CACNG4: variants seen among roughly 807,000 people sequenced by gnomAD.
The protein encoded by CACNG4 is voltage-dependent calcium channel gamma-4 subunit.
In CACNG4, 8 loss-of-function variants were observed where a neutral mutation model predicts 22.9. The observed-to-expected ratio is 0.35, with a 90% CI of 0.21 to 0.63. The LOEUF (loss-of-function observed/expected upper bound fraction) is 0.63. Among genes scored for constraint, CACNG4 ranks in the 30% least tolerant of loss-of-function variants. CACNG4 has a pLI of 0.72. For synonymous variants in CACNG4, 188 were observed against 191.9 expected (o/e 0.98, Z 0.17); for missense variants, 357 against 455.4 (o/e 0.78, Z 1.97).
chr17:66,969,643 G>A (rs1003539172), intron 1 of CACNG4, among the ~76,000 whole-genome samples: 8 of 152,152 alleles, frequency 5.3e-5, no homozygotes, highest in Non-Finnish European at 7.3e-5. Context: ...CCTGGGGAGG[G>A]GATTGAGAAG....
rs1171631087 is a variant in CACNG4, at chr17:66,999,278, G to GT, written c.221-18910dup. 4.9e-3 allele frequency among the ~76,000 whole-genome samples: 723 copies of GT among 148,094 alleles called. 2 individuals are homozygous for GT. The highest frequency in any genetic ancestry group is 0.017 in the African/African-American group (642 of 37,940). On this transcript the variant is annotated intron_variant, in intron 1 of 3. Coordinates refer to ENST00000262138, the MANE Select transcript of CACNG4 (RefSeq NM_014405.4). ...ACTGTAATAGTTGGCAGTAGAGTTG[G>GT]TGGTGGTGGTGGTGGTGGTGGTCAT...
intron 1 of CACNG4, among the ~76,000 whole-genome samples, 187 bp from the exon 2 acceptor site, chr17:67,018,002 G>C (rs557144238): frequency 6.6e-6 from 1 of 152,096 alleles, no homozygotes; most frequent in East Asian, 1.9e-4. Context: ...TATCTCTCCC[G>C]GTGTAGCCAT....
chr17:66,972,830 G>A (rs2035212829), intron 1 of CACNG4, among the ~76,000 whole-genome samples: 1 of 152,138 alleles, frequency 6.6e-6, no homozygotes, highest in Admixed American at 6.5e-5. Context: ...GGAGGCTGAG[G>A]CAGGAGAATT....
chr17:67,015,682 G>C (rs2143350303), intron 1 of CACNG4, among the ~76,000 whole-genome samples: 1 of 152,346 alleles, frequency 6.6e-6, no homozygotes, highest in African/African-American at 2.4e-5. Context: ...AAGACACACG[G>C]TGGACTTAGC....
intron 1 of CACNG4, among the ~76,000 whole-genome samples, chr17:66,977,790 T>C (rs796438096): frequency 5.3e-5 from 8 of 152,290 alleles, no homozygotes; most frequent in African/African-American, 1.9e-4. Context: ...CTTAGGTGTT[T>C]GTGGGGCACC....
At chr17:67,004,699 C>T (rs60136355) in intron 1 of CACNG4, among the ~76,000 whole-genome samples, 2,675 of 152,196 alleles carry the variant, frequency 0.018, 76 homozygotes, top group African/African-American at 0.061. Context: ...GCACATAAAC[C>T]AACTTCTCTG....
At chr17:66,967,804 C>G (rs1464994177) in intron 1 of CACNG4, among the ~76,000 whole-genome samples, 1 of 152,208 alleles carries the variant, frequency 6.6e-6, no homozygotes, top group Non-Finnish European at 1.5e-5. Flanking sequence ...ACAACAGATT[C>G]AGTTGCATGT....
intron 1 of CACNG4, among the ~76,000 whole-genome samples, chr17:67,000,955 G>C (rs1012043333): frequency 1.3e-5 from 2 of 152,030 alleles, no homozygotes; most frequent in Non-Finnish European, 2.9e-5. Flanking sequence ...TTCACACCCT[G>C]ATATGGTTTG....
intron 1 of CACNG4, among the ~76,000 whole-genome samples, chr17:66,998,555 G>A (rs1272455930): frequency 6.6e-6 from 1 of 152,156 alleles, no homozygotes; most frequent in Non-Finnish European, 1.5e-5. Context: ...AGTTGAGGGC[G>A]CTGGCCTGAA....
At chr17:66,976,349 G>C (rs963670422) in intron 1 of CACNG4, among the ~76,000 whole-genome samples, 1 of 138,978 alleles carries the variant, frequency 7.2e-6, no homozygotes, top group Non-Finnish European at 1.6e-5. Context: ...CTTTCCTCCT[G>C]TCGTCCTCCC....
chr17:67,031,870 G>C lies in CACNG4; in HGVS notation c.*866G>C. The stretch of plus-strand genomic sequence containing the variant: ...GGAGCAACTCTGTCCCCTGAGCGTT[G>C]GGGGTCCCGGGGGAGAGGTGGACAG... On this transcript the variant is annotated 3_prime_UTR_variant, in exon 4 of 4. Coordinates refer to ENST00000262138, the MANE Select transcript of CACNG4 (RefSeq NM_014405.4). This position sits in a 1 kb window ranked among gnomAD's most constrained non-coding sequence, Gnocchi z 4.0. 1 of 456,628 alleles carries C rather than the reference G, an allele frequency of 2.2e-6. No homozygotes were observed. The highest frequency in any genetic ancestry group is 4.4e-6 in the Non-Finnish European group (1 of 226,966). 28.3% of individuals were successfully genotyped at this position (456,628 alleles called of 1,614,324 possible).
chr17:67,003,612 G>A (rs1024908381), intron 1 of CACNG4, among the ~76,000 whole-genome samples: 1 of 152,166 alleles, frequency 6.6e-6, no homozygotes, highest in African/African-American at 2.4e-5. Context: ...GAGTCATCCT[G>A]TGCATTGTAG....
chr17:67,026,283 G>A (rs971504769), intron 3 of CACNG4, among the ~76,000 whole-genome samples: 1 of 151,678 alleles, frequency 6.6e-6, no homozygotes, highest in African/African-American at 2.4e-5. Flanking sequence ...GGAGTGTGGT[G>A]TGTTTGTGCG....
intron 1 of CACNG4, among the ~76,000 whole-genome samples, chr17:66,989,132 T>G (rs1378099727): frequency 2.7e-5 from 4 of 150,520 alleles, no homozygotes; most frequent in Non-Finnish European, 1.5e-5. Context: ...GAGCTTTTTA[T>G]TCCCGGCATC....
At chr17:66,999,909 A>G (rs866286478) in intron 1 of CACNG4, among the ~76,000 whole-genome samples, 4 of 152,212 alleles carry the variant, frequency 2.6e-5, no homozygotes, top group African/African-American at 9.6e-5. Flanking sequence ...GGCTTTATTT[A>G]GACGAATTAG....
intron 1 of CACNG4, among the ~76,000 whole-genome samples, chr17:66,970,705 T>C (rs2035198519): frequency 6.6e-6 from 1 of 152,204 alleles, no homozygotes; most frequent in South Asian, 2.1e-4. Context: ...ACCTAATCAC[T>C]TCCCAGAGGC....
At chr17:66,982,586 C>T (rs1479148467) in intron 1 of CACNG4, among the ~76,000 whole-genome samples, 1 of 152,152 alleles carries the variant, frequency 6.6e-6, no homozygotes, top group South Asian at 2.1e-4. Flanking sequence ...CTCCAAGTCC[C>T]CACTCAACCC....
chr17:66,987,838 G>C (rs1275285782), intron 1 of CACNG4, among the ~76,000 whole-genome samples: 1 of 151,996 alleles, frequency 6.6e-6, no homozygotes, highest in Non-Finnish European at 1.5e-5. Flanking sequence ...ATGGTTCCTG[G>C]GATAAAGAAG....
intron 1 of CACNG4, among the ~76,000 whole-genome samples, chr17:66,967,280 G>GA (rs1379946541): frequency 2.0e-5 from 3 of 152,140 alleles, no homozygotes; most frequent in Non-Finnish European, 4.4e-5. Context: ...GGACCTCACC[G>GA]AAAGAACTGG....
Sources: allele counts gnomAD v4.1 joint callset (sites outside exome capture counted in the v4.1 genomes callset), GRCh38; gene constraint gnomAD v4.1.1; non-coding constraint Gnocchi (gnomAD v3.1); transcripts MANE v1.5; gene names NCBI Gene and HGNC (gene_info 2026-07-23, HGNC 2026-07-21).